The following RAB23 variants were observed in gnomAD, a reference collection of about 807,000 sequenced individuals.
RAB23 encodes ras-related protein Rab-23.
In RAB23, 15 loss-of-function variants were observed where a neutral mutation model predicts 30.0. That is an observed-to-expected ratio of 0.50 (90% CI 0.33 to 0.77). RAB23 has a LOEUF of 0.77. Ranked by LOEUF, RAB23 falls within the 30% of genes least tolerant of loss-of-function variation. RAB23 has a pLI of 0.02. For synonymous variants in RAB23, 93 were observed against 94.0 expected (o/e 0.99, Z 0.06); for missense variants, 243 against 275.4 (o/e 0.88, Z 0.83).
chr6:57,190,374 T>A lies in RAB23; in HGVS notation c.*87A>T, dbSNP rs374500812. The A allele has an allele frequency of 1.5e-5, 22 of 1,516,880 alleles. No homozygotes were observed. Among genetic ancestry groups the A allele is most frequent in the Non-Finnish European group, 1.9e-5 (21 of 1,095,642 alleles). 94.0% of individuals were successfully genotyped at this position (1,516,880 alleles called of 1,614,324 possible). ...GAGAGCCATTAGGAGCAAAGTCTGC[T>A]GAAAACCTTGTAACATACCATGACA... On this transcript the variant is annotated 3_prime_UTR_variant, in exon 7 of 7. Coordinates refer to ENST00000468148, the MANE Select transcript of RAB23 (RefSeq NM_016277.5).
At chr6:57,194,624 G>T in intron 5 of RAB23, 146 bp downstream of exon 5, 1 of 616,374 alleles carries the variant, frequency 1.6e-6, no homozygotes, top group East Asian at 2.9e-5. Context: ...CTAACAAAAA[G>T]AAGTAGAAAG....
At chr6:57,205,441 G>A (rs935415649) in intron 3 of RAB23, among the ~76,000 whole-genome samples, 1 of 152,114 alleles carries the variant, frequency 6.6e-6, no homozygotes, top group Non-Finnish European at 1.5e-5. Flanking sequence ...ACGCAATGGG[G>A]CTGGGGAGAC....
chr6:57,207,505 T>C, intron 3 of RAB23, 123 bp downstream of exon 3: 1 of 689,266 alleles, frequency 1.5e-6, no homozygotes, highest in South Asian at 1.7e-5. Flanking sequence ...TAAAAAATAC[T>C]TTGAAATTAT....
At chr6:57,196,869 AG>A (rs1236835749) in intron 3 of RAB23, among the ~76,000 whole-genome samples, 4 of 152,184 alleles carry the variant, frequency 2.6e-5, no homozygotes, top group Non-Finnish European at 5.9e-5. Context: ...TACCAAAAAC[AG>A]TGGTTCTCAA....
intron 3 of RAB23, among the ~76,000 whole-genome samples, chr6:57,204,628 G>C (rs1765387283): frequency 6.6e-6 from 1 of 152,176 alleles, no homozygotes; most frequent in East Asian, 1.9e-4. Flanking sequence ...TGATACCAAA[G>C]AGTAGATTTA....
intron 1 of RAB23, among the ~76,000 whole-genome samples, chr6:57,215,434 T>G (rs1765803461): frequency 6.6e-6 from 1 of 152,204 alleles, no homozygotes; most frequent in Non-Finnish European, 1.5e-5. Flanking sequence ...GGAAAAGTAA[T>G]TTGAACGACA....
At chr6:57,196,422 C>T (rs1765023888) in intron 4 of RAB23, 28 bp downstream of exon 4, 1 of 1,612,784 alleles carries the variant, frequency 6.2e-7, no homozygotes, top group Non-Finnish European at 8.5e-7. Context: ...AATTACTGTC[C>T]CTCCTTCCCC....
At chr6:57,190,640 G>C (rs773146082) in intron 6 of RAB23, 40 bp from the exon 7 acceptor site, 3 of 1,606,256 alleles carry the variant, frequency 1.9e-6, no homozygotes, top group Admixed American at 1.7e-5. Context: ...CCACTGACAC[G>C]CCTGAGTTAC....
intron 6 of RAB23, among the ~76,000 whole-genome samples, chr6:57,193,091 AGG>A (rs1764902027): frequency 6.6e-6 from 1 of 152,120 alleles, no homozygotes; most frequent in Non-Finnish European, 1.5e-5. Flanking sequence ...AGAAGACAAA[AGG>A]GGAGCCAAGG....
Position 57,210,206 on chromosome 6 carries a change from T to C in RAB23, c.155+20A>G. On this transcript the variant is annotated intron_variant, in intron 2 of 6. Transcript: ENST00000468148. ...AGTTCACAAATCAAAGCCAAAGGAA[T>C]AAAATGGCCAAGTACTTACTGAATT... 1 of 1,610,350 alleles carries C rather than the reference T, an allele frequency of 6.2e-7. No homozygotes were observed. The highest frequency in any genetic ancestry group is 8.5e-7 in the Non-Finnish European group (1 of 1,176,746).
At chr6:57,194,720 G>A (rs549276241) in intron 5 of RAB23, 50 bp downstream of exon 5, 16 of 1,319,362 alleles carry the variant, frequency 1.2e-5, no homozygotes, top group Middle Eastern at 2.0e-4. Context: ...TTTTAAAAGC[G>A]CAAGAATAAA....
At chr6:57,199,357 T>C (rs1765149198) in intron 3 of RAB23, among the ~76,000 whole-genome samples, 2 of 152,202 alleles carry the variant, frequency 1.3e-5, no homozygotes, top group Non-Finnish European at 2.9e-5. Flanking sequence ...CAGTGATACT[T>C]AGAACGCTTT....
chr6:57,192,282 A>T (rs763929122), intron 6 of RAB23, among the ~76,000 whole-genome samples: 1 of 152,240 alleles, frequency 6.6e-6, no homozygotes, highest in Non-Finnish European at 1.5e-5. Context: ...GAACTGTGCT[A>T]TTCACAAAAT....
intron 3 of RAB23, among the ~76,000 whole-genome samples, chr6:57,206,105 A>T (rs1765446721): frequency 6.6e-6 from 1 of 152,192 alleles, no homozygotes. Flanking sequence ...AGGTGCTCGG[A>T]TGCAGATTGG....
chr6:57,222,180 G>T lies in RAB23; in HGVS notation c.-520C>A, dbSNP rs961639592. The T allele has an allele frequency of 2.6e-5, 4 of 152,264 alleles. No homozygotes were observed. The highest frequency in any genetic ancestry group is 1.3e-4 in the Admixed American group (2 of 15,292). The allele number at this position is 152,264 out of a possible 1,614,324, so 9.4% of individuals were successfully genotyped here. ...CTTTCGCTCTCTTAAGAATGATTAT[G>T]ATTTTTAAACGAACTTTATTAGTAG... is the stretch of plus-strand genomic sequence containing the variant. On this transcript the variant is annotated 5_prime_UTR_variant, in exon 1 of 7. Coordinates refer to ENST00000468148, the MANE Select transcript of RAB23 (RefSeq NM_016277.5).
Position 57,187,743 on chromosome 6 carries a change from G to GTTA in RAB23, c.*2715_*2717dup, listed in dbSNP as rs1554307726. 1 of 152,138 alleles carries GTTA rather than the reference G, an allele frequency of 6.6e-6. No homozygotes were observed. Among genetic ancestry groups the GTTA allele is most frequent in the Non-Finnish European group, 1.5e-5 (1 of 68,018 alleles). The allele number at this position is 152,138 out of a possible 1,614,324, so 9.4% of individuals were successfully genotyped here. ...AAACTCACAGGTCCAAGGAGTACAT[G>GTTA]TTATTTATTGAGAGTTCCTTCTGAG... On this transcript the variant is annotated 3_prime_UTR_variant, in exon 7 of 7. Transcript: ENST00000468148.
At chr6:57,213,731 A>C (rs1333118792) in intron 1 of RAB23, among the ~76,000 whole-genome samples, 2 of 151,282 alleles carry the variant, frequency 1.3e-5, no homozygotes, top group Non-Finnish European at 3.0e-5. Flanking sequence ...CATGGTAATG[A>C]GTTTTCCTTG....
chr6:57,207,775 G>T, intron 2 of RAB23, 62 bp from the exon 3 acceptor site: 1 of 1,119,542 alleles, frequency 8.9e-7, no homozygotes, highest in South Asian at 1.3e-5. Flanking sequence ...ATATAGCTTT[G>T]TGTATATTTT....
Position 57,188,927 on chromosome 6 carries a change from A to C in RAB23, c.*1534T>G, listed in dbSNP as rs778774458. Reference sequence around the variant, plus strand: ...GAGTACAGATGGAAAAACAAAAGATAAAACACAAAAGGAGTACATAAAACA... The same window carrying C: ...GAGTACAGATGGAAAAACAAAAGATCAAACACAAAAGGAGTACATAAAACA... On this transcript the variant is annotated 3_prime_UTR_variant, in exon 7 of 7. Coordinates refer to ENST00000468148, the MANE Select transcript of RAB23 (RefSeq NM_016277.5). 1.4e-4 allele frequency: 22 copies of C among 152,202 alleles called. No homozygotes were observed. The highest frequency in any genetic ancestry group is 4.4e-5 in the Non-Finnish European group (3 of 68,014). The allele number at this position is 152,202 out of a possible 1,614,324, so 9.4% of individuals were successfully genotyped here.
Sources: allele counts gnomAD v4.1 joint callset (sites outside exome capture counted in the v4.1 genomes callset), GRCh38; gene constraint gnomAD v4.1.1; transcripts MANE v1.5; gene names NCBI Gene and HGNC (gene_info 2026-07-23, HGNC 2026-07-21).